The following SLAMF7 variants were observed in gnomAD, a reference collection of about 807,000 sequenced individuals.
SLAMF7 encodes 19A24 protein.
SLAMF7 carries 26 observed loss-of-function variants against 34.1 expected under a neutral mutation model. The ratio of observed to expected loss-of-function variants is 0.76; its 90% CI spans 0.56 to 1.06. The LOEUF is 1.06. Ranked by LOEUF, SLAMF7 falls within the 50% of genes least tolerant of loss-of-function variation. The probability of loss-of-function intolerance (pLI) is 0.00; values close to 1 mark genes in which losing one functional copy is unlikely to be tolerated. For synonymous variants in SLAMF7, 171 were observed against 156.4 expected (o/e 1.09, Z -0.70); for missense variants, 399 against 402.5 (o/e 0.99, Z 0.07).
chr1:160,739,488 C>G, intron 1 of SLAMF7, 132 bp downstream of exon 1: 1 of 746,978 alleles, frequency 1.3e-6, no homozygotes, highest in Non-Finnish European at 2.2e-6. Context: ...TGCTTTTTAT[C>G]AATCTCTGAT....
intron 1 of SLAMF7, 101 bp from the exon 2 acceptor site, chr1:160,748,093 A>T: frequency 8.3e-7 from 1 of 1,200,792 alleles, no homozygotes; most frequent in African/African-American, 1.5e-5. Flanking sequence ...GTTGTGTTGG[A>T]CTGAGTGGGT....
chr1:160,739,672 T>G (rs966872568), intron 1 of SLAMF7: 3 of 266,638 alleles, frequency 1.1e-5, no homozygotes, highest in Non-Finnish European at 2.1e-5. Context: ...TGTTAAAGTT[T>G]TCCTGGGCCT....
chr1:160,748,424 A>C lies in SLAMF7; in HGVS notation c.286A>C (p.Lys96Gln). 1 of 1,614,088 alleles carries C rather than the reference A, an allele frequency of 6.2e-7. No homozygotes were observed. The highest frequency in any genetic ancestry group is 8.5e-7 in the Non-Finnish European group (1 of 1,179,956). Residue 96 changes from lysine (K) to glutamine (Q), a missense_variant, in exon 2 of 7, where the codon AAG (lysine) becomes CAG (glutamine). Transcript: ENST00000368043. ...CTACTCCCTGAAGCTCAGCAAACTG[A>C]AGAAGAATGACTCAGGGATCTACTA... ...GGYSLKLSKL[K>Q]KNDSGIYYVG...
intron 6 of SLAMF7, among the ~76,000 whole-genome samples, 185 bp downstream of exon 6, chr1:160,752,433 T>G (rs1664709277): frequency 1.3e-5 from 2 of 152,174 alleles, no homozygotes; most frequent in South Asian, 4.1e-4. Flanking sequence ...GAATTGTGTT[T>G]TAGGAATCGA....
intron 5 of SLAMF7, 70 bp downstream of exon 5, chr1:160,751,518 G>A (rs1664583064): frequency 7.8e-7 from 1 of 1,274,884 alleles, no homozygotes; most frequent in Non-Finnish European, 1.1e-6. Flanking sequence ...GTTTTTCCAT[G>A]GGTTTGGACA....
At chr1:160,746,127 A>G (rs1333550471) in intron 1 of SLAMF7, among the ~76,000 whole-genome samples, 2 of 152,228 alleles carry the variant, frequency 1.3e-5, no homozygotes. Flanking sequence ...AATTACACAC[A>G]GGAGACACTG....
At chr1:160,743,626 G>T (rs895819841) in intron 1 of SLAMF7, among the ~76,000 whole-genome samples, 1 of 152,232 alleles carries the variant, frequency 6.6e-6, no homozygotes, top group Non-Finnish European at 1.5e-5. Flanking sequence ...CAGGTAGAAG[G>T]TTGGCACCTG....
chr1:160,740,559 A>T (rs531508727), intron 1 of SLAMF7, among the ~76,000 whole-genome samples: 1 of 152,152 alleles, frequency 6.6e-6, no homozygotes, highest in African/African-American at 2.4e-5. Context: ...CAGTGGAACA[A>T]ATCCTGGCAC....
chr1:160,745,033 T>C (rs577320902), intron 1 of SLAMF7, among the ~76,000 whole-genome samples: 7 of 152,166 alleles, frequency 4.6e-5, no homozygotes, highest in Non-Finnish European at 7.4e-5. Context: ...AAAGCTTGAG[T>C]AATCCAAAGT....
intron 3 of SLAMF7, 85 bp downstream of exon 3, chr1:160,750,178 G>C (rs761585403): frequency 6.3e-7 from 1 of 1,577,460 alleles, no homozygotes; most frequent in East Asian, 2.2e-5. Flanking sequence ...AACAGACACT[G>C]TATGGAAACT....
In SLAMF7 at chr1:160,740,853, G is replaced by A. The variant is rs115034754; in HGVS notation, c.55+1497G>A. On this transcript the variant is annotated intron_variant, in intron 1 of 6. Transcript: ENST00000368043. ...CAGTTGAGGAAACTTAGGCTCAGCA[G>A]AGAGATCACGCTTCTTGGGCAAGAT... 2.5e-3 allele frequency among the ~76,000 whole-genome samples: 374 copies of A among 152,310 alleles called. 2 individuals carry two copies. Among genetic ancestry groups the A allele is most frequent in the Non-Finnish European group, 4.5e-3 (304 of 68,026 alleles).
intron 1 of SLAMF7, among the ~76,000 whole-genome samples, chr1:160,744,075 C>G (rs1382478602): frequency 2.0e-5 from 3 of 152,162 alleles, no homozygotes; most frequent in African/African-American, 7.2e-5. Flanking sequence ...GTCTTGCTCC[C>G]CAGTTATACC....
At chr1:160,752,306 T>C (rs1664700473) in intron 6 of SLAMF7, 58 bp downstream of exon 6, 5 of 1,454,864 alleles carry the variant, frequency 3.4e-6, no homozygotes, top group African/African-American at 2.8e-5. Context: ...TCCTGCTTCA[T>C]GTTTAGGTCA....
At chr1:160,751,679 C>T (rs1299621649) in intron 5 of SLAMF7, 2 of 465,172 alleles carry the variant, frequency 4.3e-6, no homozygotes, top group Non-Finnish European at 7.7e-6. Context: ...ATGCTGTGGT[C>T]TGTGAAATCA....
intron 1 of SLAMF7, among the ~76,000 whole-genome samples, chr1:160,743,468 C>T (rs1344512662): frequency 2.0e-5 from 3 of 152,180 alleles, no homozygotes; most frequent in Non-Finnish European, 4.4e-5. Context: ...GCAGTCAACC[C>T]ATGTCATGTG....
intron 2 of SLAMF7, 140 bp downstream of exon 2, chr1:160,748,654 T>C (rs1664320197): frequency 3.8e-6 from 3 of 784,624 alleles, no homozygotes; most frequent in Non-Finnish European, 6.1e-6. Flanking sequence ...ATGAAATAGA[T>C]GTAGCTGACC....
chr1:160,748,576 T>C, intron 2 of SLAMF7, 62 bp downstream of exon 2: 4 of 1,455,548 alleles, frequency 2.7e-6, no homozygotes, highest in Non-Finnish European at 3.8e-6. Flanking sequence ...CTCCTTGACA[T>C]GAGAGATGTT....
intron 1 of SLAMF7, 70 bp downstream of exon 1, chr1:160,739,426 C>T (rs1571096036): frequency 7.3e-7 from 1 of 1,372,206 alleles, no homozygotes; most frequent in Non-Finnish European, 1.0e-6. Context: ...TTTCTTGTTC[C>T]ACTCTGGGCC....
At chr1:160,743,978 C>T (rs1663945696) in intron 1 of SLAMF7, among the ~76,000 whole-genome samples, 1 of 152,204 alleles carries the variant, frequency 6.6e-6, no homozygotes, top group Non-Finnish European at 1.5e-5. Flanking sequence ...CATAAGCCAC[C>T]AATTCCAGCA....
Sources: allele counts gnomAD v4.1 joint callset (sites outside exome capture counted in the v4.1 genomes callset), GRCh38; gene constraint gnomAD v4.1.1; transcripts MANE v1.5; gene names NCBI Gene and HGNC (gene_info 2026-07-23, HGNC 2026-07-21).